Variants in RAB21 observed in about 807,000 individuals in gnomAD.
RAB21 encodes the protein RAB21, member RAS oncogene family, also known as ras-related protein Rab-21.
Under a neutral mutation model 33.1 loss-of-function variants are expected in RAB21, and 13 were observed. The observed-to-expected ratio is 0.39, with a 90% CI of 0.26 to 0.62. The LOEUF (loss-of-function observed/expected upper bound fraction) is 0.62, where lower values mean the gene tolerates loss of function less well. RAB21 is among the 20% of genes least tolerant of loss of function. The pLI is 0.48. For synonymous variants in RAB21, 91 were observed against 103.7 expected (o/e 0.88, Z 0.74); for missense variants, 234 against 279.1 (o/e 0.84, Z 1.15).
Position 71,798,645 on chromosome 12 carries a change from G to A in RAB21, c.*12972G>A, listed in dbSNP as rs1883496750. On this transcript the variant is annotated 3_prime_UTR_variant, in exon 7 of 7. Transcript: ENST00000261263. ...AAGTTCAACTTTATTACTAAGAGAAGTATAAGACAAAACTATACTGAGATA... is the reference window on the plus strand; with the variant it reads ...AAGTTCAACTTTATTACTAAGAGAAATATAAGACAAAACTATACTGAGATA... The A allele has an allele frequency of 6.6e-6, 1 of 152,130 alleles. No homozygotes were observed. The highest frequency in any genetic ancestry group is 6.5e-5 in the Admixed American group (1 of 15,278). 9.4% of individuals were successfully genotyped at this position (152,130 alleles called of 1,614,324 possible).
chr12:71,794,079 AGGTGT>A lies in RAB21; in HGVS notation c.*8411_*8415del, dbSNP rs1210410107. ...ATCCAAAAATATACAAAAATTAGCCAGGTGTGGTGGTGTGTGCCTGTAGTCTCAGC... is the reference window on the plus strand; with the variant it reads ...ATCCAAAAATATACAAAAATTAGCCAGGTGGTGTGTGCCTGTAGTCTCAGC... On this transcript the variant is annotated 3_prime_UTR_variant, in exon 7 of 7. Coordinates refer to ENST00000261263, the MANE Select transcript of RAB21 (RefSeq NM_014999.4). 1 of 151,982 alleles carries A rather than the reference AGGTGT, an allele frequency of 6.6e-6. No individual in the cohort carries two copies. Among genetic ancestry groups the A allele is most frequent in the East Asian group, 1.9e-4 (1 of 5,150 alleles). The allele number at this position is 151,982 out of a possible 1,614,324, so 9.4% of individuals were successfully genotyped here. A position where few individuals can be genotyped will look rare whatever the true frequency, so the allele number is the denominator to read the frequency against.
At chr12:71,757,672 T>G (rs570995609) in intron 1 of RAB21, among the ~76,000 whole-genome samples, 3 of 152,242 alleles carry the variant, frequency 2.0e-5, no homozygotes, top group Non-Finnish European at 4.4e-5. Flanking sequence ...TAACAATTTT[T>G]CAGAGGAATT....
chr12:71,779,071 T>G (rs1883160665), intron 4 of RAB21, among the ~76,000 whole-genome samples: 1 of 152,208 alleles, frequency 6.6e-6, no homozygotes, highest in South Asian at 2.1e-4. Flanking sequence ...TGCTAGGCCT[T>G]TTACATATAT....
At chr12:71,778,704 G>T (rs925068626) in intron 4 of RAB21, among the ~76,000 whole-genome samples, 1 of 152,200 alleles carries the variant, frequency 6.6e-6, no homozygotes, top group Non-Finnish European at 1.5e-5. Context: ...TAAATGCTAT[G>T]GAAGGGAAAT....
intron 1 of RAB21, among the ~76,000 whole-genome samples, chr12:71,765,760 G>A (rs561503898): frequency 6.6e-6 from 1 of 152,082 alleles, no homozygotes; most frequent in East Asian, 1.9e-4. Flanking sequence ...TCAGGTAAGT[G>A]TAAGTATTTG....
intron 1 of RAB21, among the ~76,000 whole-genome samples, chr12:71,758,532 G>T (rs1166479372): frequency 6.7e-6 from 1 of 149,770 alleles, no homozygotes; most frequent in African/African-American, 2.5e-5. Flanking sequence ...GCAGAGTCTT[G>T]CTCTAGTGGT....
In RAB21 at chr12:71,770,586, C is replaced by A; in HGVS notation, c.220-6C>A. The A allele has an allele frequency of 6.4e-7, 1 of 1,564,374 alleles. No homozygotes were observed. Among genetic ancestry groups the A allele is most frequent in the Non-Finnish European group, 8.8e-7 (1 of 1,135,696 alleles). On this transcript the variant is annotated splice_region_variant and splice_polypyrimidine_tract_variant and intron_variant, in intron 2 of 6. Transcript: ENST00000261263. ...TGATCTAATAAGCATTTGTTGCTTTCTTTAGGATACGGCAGGTCAAGAGAG... is the reference window on the plus strand; with the variant it reads ...TGATCTAATAAGCATTTGTTGCTTTATTTAGGATACGGCAGGTCAAGAGAG...
Position 71,773,983 on chromosome 12 carries a change from C to T in RAB21, c.352C>T (p.Arg118Trp), listed in dbSNP as rs1163512248. 8 of 1,591,656 alleles carry T rather than the reference C, an allele frequency of 5.0e-6. No homozygotes were observed. Among genetic ancestry groups the T allele is most frequent in the African/African-American group, 1.4e-5 (1 of 73,560 alleles). Residue 118 changes from arginine (R) to tryptophan (W), a missense_variant, in exon 4 of 7, where the codon CGG becomes TGG. Coordinates refer to ENST00000261263, the MANE Select transcript of RAB21 (RefSeq NM_014999.4). Reference protein sequence around the residue: ...QKVKNWVKELRKMLGNEICLC... With the variant: ...QKVKNWVKELWKMLGNEICLC... ...GGTAAAAAACTGGGTCAAAGAATTACGGAAAATGTTGGGAAATGAAATCTG... is the reference window on the plus strand; with the variant it reads ...GGTAAAAAACTGGGTCAAAGAATTATGGAAAATGTTGGGAAATGAAATCTG...
At chr12:71,772,244 G>T (rs2137648948) in intron 3 of RAB21, among the ~76,000 whole-genome samples, 1 of 152,170 alleles carries the variant, frequency 6.6e-6, no homozygotes, top group Middle Eastern at 3.4e-3. Flanking sequence ...TTATCATCCA[G>T]TACTCTCTCT....
chr12:71,785,723 C>T lies in RAB21; in HGVS notation c.*50C>T. ...GACAGAACAAAACTGTGGATCATTG[C>T]CCTCAACATGAAGACTGCCATATTC... On this transcript the variant is annotated 3_prime_UTR_variant, in exon 7 of 7. Coordinates refer to ENST00000261263, the MANE Select transcript of RAB21 (RefSeq NM_014999.4). 6.3e-7 allele frequency: 1 copy of T among 1,597,236 alleles called. No individual in the cohort carries two copies. The highest frequency in any genetic ancestry group is 8.6e-7 in the Non-Finnish European group (1 of 1,166,344).
rs1031551390 is a variant in RAB21, at chr12:71,786,339, A to T, written c.*666A>T. 1 of 152,556 alleles carries T rather than the reference A, an allele frequency of 6.6e-6. No homozygotes were observed. The highest frequency in any genetic ancestry group is 1.9e-4 in the East Asian group (1 of 5,204). 9.5% of individuals were successfully genotyped at this position (152,556 alleles called of 1,614,324 possible). On this transcript the variant is annotated 3_prime_UTR_variant, in exon 7 of 7. Coordinates refer to ENST00000261263, the MANE Select transcript of RAB21 (RefSeq NM_014999.4). ...ATCAAATCTTTATTTAATAACTTAT[A>T]TATGTTGTTGGAATGGTTACATTTT...
intron 1 of RAB21, among the ~76,000 whole-genome samples, chr12:71,761,593 A>G (rs990931632): frequency 6.6e-6 from 1 of 152,146 alleles, no homozygotes; most frequent in Non-Finnish European, 1.5e-5. Flanking sequence ...AAGGAGAATC[A>G]CTTGAACCTG....
At position 71,766,593 on chromosome 12, in the gene RAB21, T is replaced by C. The variant is rs190953465; in HGVS notation, c.160-3207T>C. ...TGTAGTCTAGTTAACAGAATACTTA[T>C]ACCCATGAAAAGATAATTTATAGTA... is the stretch of plus-strand genomic sequence containing the variant. On this transcript the variant is annotated intron_variant, in intron 1 of 6. Transcript: ENST00000261263. Among the ~76,000 whole-genome samples, 22 of 152,288 alleles carry C rather than the reference T, an allele frequency of 1.4e-4. No individual in the cohort carries two copies. The East Asian group carries it at 3.5e-3, about 24-fold the overall frequency.
chr12:71,770,127 C>G (rs551982052), intron 2 of RAB21, among the ~76,000 whole-genome samples: 11 of 152,200 alleles, frequency 7.2e-5, no homozygotes, highest in Middle Eastern at 3.4e-3. Flanking sequence ...TTTCCCCACC[C>G]TGTGTCTCCA....
Position 71,770,637 on chromosome 12 carries a change from T to G in RAB21, c.265T>G (p.Tyr89Asp). The change falls in exon 3 of 7, where the codon TAC becomes GAC. Residue 89 changes from tyrosine (Y) to aspartate (D), a missense_variant. Tyr to Asp is a radical substitution (Grantham distance 160, BLOSUM62 -3). Transcript: ENST00000261263. ...ERFHALGPIY[Y>D]RDSNGAILVY... ...ATTCCATGCATTGGGTCCAATTTAC[T>G]ACAGAGATTCAAATGGAGCGATTTT... is the stretch of plus-strand genomic sequence containing the variant. 6.2e-7 allele frequency: 1 copy of G among 1,609,826 alleles called. No homozygotes were observed. Among genetic ancestry groups the G allele is most frequent in the Non-Finnish European group, 8.5e-7 (1 of 1,176,740 alleles).
At chr12:71,755,800 C>T (rs531568779) in intron 1 of RAB21, among the ~76,000 whole-genome samples, 2 of 152,182 alleles carry the variant, frequency 1.3e-5, no homozygotes, top group Admixed American at 6.5e-5. Flanking sequence ...TTGAAATGAC[C>T]GCTTGCCTAG....
Position 71,791,931 on chromosome 12 carries a change from C to G in RAB21, c.*6258C>G, listed in dbSNP as rs1042515361. 1 of 152,192 alleles carries G rather than the reference C, an allele frequency of 6.6e-6. No individual in the cohort carries two copies. Among genetic ancestry groups the G allele is most frequent in the African/African-American group, 2.4e-5 (1 of 41,430 alleles). The allele number at this position is 152,192 out of a possible 1,614,324, so 9.4% of individuals were successfully genotyped here. On this transcript the variant is annotated 3_prime_UTR_variant, in exon 7 of 7. Transcript: ENST00000261263. ...ACAGACTAGAATGCAGTAGCATGAT[C>G]ATAGCTCATTGCAGCCTCAAACTCC...
chr12:71,782,059 A>G lies in RAB21; in HGVS notation c.420A>G (p.Arg140=), dbSNP rs200098647. The change falls in exon 5 of 7, where the codon AGA becomes AGG. Residue 140 remains arginine, a synonymous_variant. Transcript: ENST00000261263. The stretch of plus-strand genomic sequence containing the variant: ...ATAAAATAGACTTGGAAAAGGAGAG[A>G]CATGTTTCCATTCAAGAAGCAGAGT... ...VGNKIDLEKE[R]HVSIQEAESY... 6.2e-7 allele frequency: 1 copy of G among 1,607,236 alleles called. No individual in the cohort carries two copies. Among genetic ancestry groups the G allele is most frequent in the East Asian group, 2.2e-5 (1 of 44,786 alleles).
chr12:71,765,721 A>G (rs1882950916), intron 1 of RAB21, among the ~76,000 whole-genome samples: 1 of 152,032 alleles, frequency 6.6e-6, no homozygotes, highest in Middle Eastern at 3.4e-3. Flanking sequence ...CTTTTCCCAA[A>G]TTTCTGTTTT....
Sources: allele counts gnomAD v4.1 joint callset (sites outside exome capture counted in the v4.1 genomes callset), GRCh38; gene constraint gnomAD v4.1.1; transcripts MANE v1.5; gene names NCBI Gene and HGNC (gene_info 2026-07-23, HGNC 2026-07-21).